CGGBP1: variants seen among roughly 807,000 people sequenced by gnomAD.
CGGBP1 encodes the protein CGG triplet repeat-binding protein 1.
Under a neutral mutation model 11.4 loss-of-function variants are expected in CGGBP1, and 4 were observed. The observed-to-expected ratio is 0.35, with a 90% CI of 0.17 to 0.80. The LOEUF (loss-of-function observed/expected upper bound fraction) is 0.80. Among genes scored for constraint, CGGBP1 ranks in the 30% least tolerant of loss-of-function variants. CGGBP1 has a pLI of 0.52. For synonymous variants in CGGBP1, 76 were observed against 74.1 expected, an observed-to-expected ratio of 1.03 and a Z score of -0.13; for missense variants, 135 against 202.1, an observed-to-expected ratio of 0.67 and a Z score of 2.01.
intron 2 of CGGBP1, among the ~76,000 whole-genome samples, chr3:88,079,292 G>A (rs114470603): frequency 0.016 from 2,435 of 152,154 alleles, 31 homozygotes; most frequent in Non-Finnish European, 0.025. Flanking sequence ...AGCACAAACA[G>A]ATATGCTAAT....
intron 2 of CGGBP1, among the ~76,000 whole-genome samples, chr3:88,118,964 G>A (rs56187005): frequency 0.15 from 21,414 of 147,526 alleles, 1,510 homozygotes; most frequent in African/African-American, 0.17. Context: ...AACCATTGTG[G>A]AAGTCAGTGT....
At chr3:88,126,024 T>C (rs1243561631) in intron 2 of CGGBP1, 10 of 1,173,328 alleles carry the variant, frequency 8.5e-6, no homozygotes, top group Non-Finnish European at 1.0e-5. Context: ...TTCTCTTTTA[T>C]AATTTAATAG....
At chr3:88,081,161 C>CA (rs1239501150) in intron 2 of CGGBP1, among the ~76,000 whole-genome samples, 1 of 152,126 alleles carries the variant, frequency 6.6e-6, no homozygotes, top group Non-Finnish European at 1.5e-5. Flanking sequence ...TCAATCTATG[C>CA]ATTTTTGGCA....
Position 88,054,788 on chromosome 3 carries a change from G to C in CGGBP1, c.*685C>G, listed in dbSNP as rs1264110415. The stretch of plus-strand genomic sequence containing the variant: ...AGTAAGAGACTAAAATCCTGTCACT[G>C]CAAAATTCCCCTTGGCTTTTGGCAT... On this transcript the variant is annotated 3_prime_UTR_variant, in exon 4 of 4. Coordinates refer to ENST00000482016, the MANE Select transcript of CGGBP1 (RefSeq NM_001008390.2). The C allele has an allele frequency of 6.6e-6, 1 of 152,568 alleles. No individual in the cohort carries two copies. The highest frequency in any genetic ancestry group is 1.5e-5 in the Non-Finnish European group (1 of 68,012). 9.5% of individuals were successfully genotyped at this position (152,568 alleles called of 1,614,324 possible).
chr3:88,097,058 T>C (rs1233367444), intron 2 of CGGBP1, among the ~76,000 whole-genome samples: 1 of 152,144 alleles, frequency 6.6e-6, no homozygotes, highest in Non-Finnish European at 1.5e-5. Flanking sequence ...CAAAATGTAA[T>C]TAACCAGCCC....
intron 2 of CGGBP1, among the ~76,000 whole-genome samples, chr3:88,082,802 G>A (rs189860569): frequency 2.8e-4 from 42 of 152,236 alleles, no homozygotes; most frequent in Middle Eastern, 3.4e-3. Flanking sequence ...GTATTACTTA[G>A]GCTGCCATAG....
At chr3:88,141,120 C>T in intron 1 of CGGBP1, 1 of 1,494,876 alleles carries the variant, frequency 6.7e-7, no homozygotes, top group Non-Finnish European at 8.9e-7. Flanking sequence ...TATTATAGAT[C>T]TTTGAGATTT....
intron 2 of CGGBP1, among the ~76,000 whole-genome samples, chr3:88,069,938 C>T (rs1707413705): frequency 6.6e-6 from 1 of 152,180 alleles, no homozygotes; most frequent in Non-Finnish European, 1.5e-5. Context: ...TCTGGAAATC[C>T]TACCAGTCCC....
rs192105333 is a variant in CGGBP1 at position 88,055,569 on chromosome 3, A to G, written c.408T>C (p.Asn136=). Residue 136 remains asparagine (N), a synonymous_variant, in exon 4 of 4, where the codon AAT becomes AAC. Coordinates refer to ENST00000482016, the MANE Select transcript of CGGBP1 (RefSeq NM_001008390.2). This position sits in a 1 kb window ranked among gnomAD's most constrained non-coding sequence, Gnocchi z 4.2. The part of the protein sequence containing the change: ...VRAFLSRHVK[N]GGSIPKSDQL... ...GGTCTGACTTAGGTATGGAGCCTCC[A>G]TTCTTCACATGGCGAGATAGGAAAG... The G allele has an allele frequency of 1.9e-4, 313 of 1,610,200 alleles. 1 individual carries two copies. The African/African-American group carries it at 3.3e-3, about 17-fold the overall frequency.
At chr3:88,123,190 T>G (rs1265190697) in intron 2 of CGGBP1, among the ~76,000 whole-genome samples, 1 of 152,086 alleles carries the variant, frequency 6.6e-6, no homozygotes, top group Non-Finnish European at 1.5e-5. Flanking sequence ...AGCCAAAAAA[T>G]ACTTGTAAGC....
chr3:88,144,739 A>G lies in CGGBP1; in HGVS notation c.-337-3661T>C, dbSNP rs373437534. Reference sequence around the variant, plus strand: ...AGGTATATATTAAATGAAAATGTCTATTATGTCTCATAAAGGAATGGCATA... The same window carrying G: ...AGGTATATATTAAATGAAAATGTCTGTTATGTCTCATAAAGGAATGGCATA... On this transcript the variant is annotated intron_variant, in intron 1 of 3. Coordinates refer to the CGGBP1 transcript ENST00000462901. 4.6e-5 allele frequency: 7 copies of G among 152,562 alleles called. No homozygotes were observed. In the East Asian group the frequency reaches 9.6e-4, roughly 21 times the overall value. 9.5% of individuals were successfully genotyped at this position (152,562 alleles called of 1,614,324 possible).
intron 2 of CGGBP1, among the ~76,000 whole-genome samples, chr3:88,116,495 G>C (rs1203207501): frequency 6.6e-6 from 1 of 151,518 alleles, no homozygotes; most frequent in East Asian, 1.9e-4. Context: ...ACTCCATCCA[G>C]CCAGGGCAAC....
intron 2 of CGGBP1, among the ~76,000 whole-genome samples, chr3:88,064,689 A>G (rs1036211191): frequency 6.6e-6 from 1 of 152,042 alleles, no homozygotes; most frequent in African/African-American, 2.4e-5. Context: ...CTAATTTCCA[A>G]CTACCCATCT....
chr3:88,140,192 A>T (rs1433413017), intron 2 of CGGBP1: 2 of 1,613,706 alleles, frequency 1.2e-6, no homozygotes, highest in South Asian at 1.1e-5. Flanking sequence ...GTCACAGGAT[A>T]TTTCAGGCTC....
At chr3:88,096,750 A>C (rs1161140681) in intron 2 of CGGBP1, among the ~76,000 whole-genome samples, 1 of 152,076 alleles carries the variant, frequency 6.6e-6, no homozygotes, top group Non-Finnish European at 1.5e-5. Flanking sequence ...CATGGTTCAA[A>C]ATTCGAAAAG....
chr3:88,113,578 T>C (rs1705218158), intron 2 of CGGBP1, among the ~76,000 whole-genome samples: 1 of 152,120 alleles, frequency 6.6e-6, no homozygotes, highest in Admixed American at 6.6e-5. Context: ...TTTCCGAAGC[T>C]AGGAGACAGA....
At chr3:88,059,405 G>A (rs777875888), upstream of CGGBP1, 4 of 1,532,592 alleles carry the variant, frequency 2.6e-6, no homozygotes, top group South Asian at 1.2e-5. Context: ...GGCCCTGTGG[G>A]GCTTAGAGCT....
chr3:88,099,936 A>G (rs943085696), intron 2 of CGGBP1, among the ~76,000 whole-genome samples: 7 of 152,214 alleles, frequency 4.6e-5, no homozygotes, highest in African/African-American at 1.4e-4. Flanking sequence ...TGACTAAAAC[A>G]CCAAAGGCAA....
chr3:88,126,052 A>G, intron 2 of CGGBP1: 1 of 1,300,078 alleles, frequency 7.7e-7, no homozygotes, highest in Non-Finnish European at 1.0e-6. Context: ...ACTGGCCATC[A>G]GTCATTTTAT....
Sources: allele counts gnomAD v4.1 joint callset (sites outside exome capture counted in the v4.1 genomes callset), GRCh38; gene constraint gnomAD v4.1.1; non-coding constraint Gnocchi (gnomAD v3.1); transcripts MANE v1.5; gene names NCBI Gene and HGNC (gene_info 2026-07-23, HGNC 2026-07-21).